Variants in SGCZ observed in about 807,000 individuals in gnomAD.
SGCZ encodes sarcoglycan zeta.
A neutral mutation model predicts 41.3 loss-of-function variants in SGCZ; 40 were observed. The observed-to-expected ratio is 0.97, with a 90% CI of 0.75 to 1.26. The LOEUF is 1.26. SGCZ is among the 50% of genes most tolerant of loss of function. The probability of loss-of-function intolerance (pLI) is 0.00; values close to 1 mark genes in which losing one functional copy is unlikely to be tolerated. For synonymous variants in SGCZ, 206 were observed against 137.5 expected, an observed-to-expected ratio of 1.50 and a Z score of -3.49; for missense variants, 552 against 369.8, an observed-to-expected ratio of 1.49 and a Z score of -4.04.
chr8:14,514,816 T>TACAC (rs1491563787), intron 2 of SGCZ, among the ~76,000 whole-genome samples: 3,866 of 34,738 alleles, frequency 0.11, 79 homozygotes, highest in African/African-American at 0.14. Flanking sequence ...TGTGTGTGTA[T>TACAC]ATATACACGC....
intron 2 of SGCZ, among the ~76,000 whole-genome samples, chr8:14,381,958 G>A (rs1209415112): frequency 2.0e-5 from 3 of 152,104 alleles, no homozygotes; most frequent in African/African-American, 4.8e-5. Context: ...AGCTTATGAG[G>A]AGATTAGTTC....
intron 1 of SGCZ, among the ~76,000 whole-genome samples, chr8:15,050,972 T>C (rs549251525): frequency 6.6e-6 from 1 of 152,324 alleles, no homozygotes; most frequent in African/African-American, 2.4e-5. Context: ...CCATTTGTAA[T>C]GTGTTGCAAA....
At chr8:14,885,396 G>A (rs1804750510) in intron 1 of SGCZ, among the ~76,000 whole-genome samples, 1 of 152,126 alleles carries the variant, frequency 6.6e-6, no homozygotes, top group African/African-American at 2.4e-5. Flanking sequence ...CAAGGCTCTT[G>A]AGTGTGAATT....
Position 15,164,758 on chromosome 8 carries a change from G to A in SGCZ, c.39+72827C>T, listed in dbSNP as rs181960328. Among the ~76,000 whole-genome samples, 40 of 152,012 alleles carry A rather than the reference G, an allele frequency of 2.6e-4. 1 individual carries two copies. In the East Asian group the frequency reaches 7.8e-3, roughly 30 times the overall value. ...TTTGTGAGGCTAGTCTTGGGCTGTG[G>A]CCAATCTGGTGTGCTTTGCATGTCT... On this transcript the variant is annotated intron_variant, in intron 1 of 7. Coordinates refer to ENST00000382080, the MANE Select transcript of SGCZ (RefSeq NM_139167.4).
Position 15,179,757 on chromosome 8 carries a change from A to G in SGCZ, c.39+57828T>C, listed in dbSNP as rs17656069. The stretch of plus-strand genomic sequence containing the variant: ...TGCCAATTTAATCAGAGGAGAATTA[A>G]CAAGACATTAGGAAATAGAGGCAAA... On this transcript the variant is annotated intron_variant, in intron 1 of 7. Coordinates refer to ENST00000382080, the MANE Select transcript of SGCZ (RefSeq NM_139167.4). Among the ~76,000 whole-genome samples the G allele has an allele frequency of 4.1e-3, 624 of 152,346 alleles. 23 individuals are homozygous for G. In the East Asian group the frequency reaches 0.082, roughly 20 times the overall value.
At chr8:14,616,473 A>G (rs28678479) in intron 1 of SGCZ, among the ~76,000 whole-genome samples, 6,098 of 152,198 alleles carry the variant, frequency 0.04, 388 homozygotes, top group African/African-American at 0.14. Context: ...CAGTAAAAAA[A>G]TGTTATTTTT....
rs567018661 is a variant in SGCZ, at chr8:14,744,491, T to A, written c.40-189565A>T. 5.0e-4 allele frequency among the ~76,000 whole-genome samples: 76 copies of A among 152,232 alleles called. 1 individual carries two copies. The South Asian group carries it at 0.015, about 31-fold the overall frequency. ...ATATCAAAATTTACCCTGGACCCCA[T>A]TCCAACTTCCTTTTTTTCTGGAGAA... On this transcript the variant is annotated intron_variant, in intron 1 of 7. Transcript: ENST00000382080.
intron 2 of SGCZ, among the ~76,000 whole-genome samples, chr8:14,521,146 G>C (rs1000680528): frequency 6.6e-6 from 1 of 152,128 alleles, no homozygotes; most frequent in African/African-American, 2.4e-5. Context: ...TAAAGAGGTA[G>C]AATATTTCCA....
At chr8:14,253,117 A>G (rs7825129) in intron 3 of SGCZ, among the ~76,000 whole-genome samples, 25 of 152,158 alleles carry the variant, frequency 1.6e-4, no homozygotes, top group African/African-American at 5.1e-4. Flanking sequence ...AGAAGTAAAT[A>G]TAGAATATGC....
intron 7 of SGCZ, among the ~76,000 whole-genome samples, chr8:14,096,599 C>G (rs1326095152): frequency 6.6e-6 from 1 of 152,106 alleles, no homozygotes; most frequent in Non-Finnish European, 1.5e-5. Flanking sequence ...GTTTTGGTAT[C>G]AGGATGATGC....
At chr8:15,232,636 T>C (rs1354873732) in intron 1 of SGCZ, among the ~76,000 whole-genome samples, 3 of 148,036 alleles carry the variant, frequency 2.0e-5, no homozygotes, top group African/African-American at 7.4e-5. Flanking sequence ...TATATATGGG[T>C]ATATATGTGT....
chr8:14,863,221 C>G (rs550327968), intron 1 of SGCZ, among the ~76,000 whole-genome samples: 1 of 152,148 alleles, frequency 6.6e-6, no homozygotes, highest in South Asian at 2.1e-4. Flanking sequence ...GTACTGATAG[C>G]CTTGCAGCTC....
chr8:14,379,362 G>T (rs553493003), intron 2 of SGCZ, among the ~76,000 whole-genome samples: 2 of 152,074 alleles, frequency 1.3e-5, no homozygotes, highest in Non-Finnish European at 2.9e-5. Context: ...TATAATGATA[G>T]AGAAAACCCC....
chr8:14,668,316 A>G (rs941869644), intron 1 of SGCZ, among the ~76,000 whole-genome samples: 2 of 152,042 alleles, frequency 1.3e-5, no homozygotes, highest in East Asian at 3.9e-4. Context: ...CTCTGTGGTG[A>G]TTATATCCCA....
At chr8:14,415,718 G>T (rs1471341) in intron 2 of SGCZ, among the ~76,000 whole-genome samples, 29,936 of 151,832 alleles carry the variant, frequency 0.2, 3,698 homozygotes, top group Non-Finnish European at 0.29. Context: ...TGGAATAACA[G>T]TTGAGAACAT....
chr8:15,055,254 G>A (rs571519058), intron 1 of SGCZ, among the ~76,000 whole-genome samples: 1 of 152,172 alleles, frequency 6.6e-6, no homozygotes, highest in Admixed American at 6.5e-5. Flanking sequence ...TTTTAATACT[G>A]TATACCTACC....
chr8:15,086,157 A>G (rs900221466), intron 1 of SGCZ, among the ~76,000 whole-genome samples: 1 of 152,234 alleles, frequency 6.6e-6, no homozygotes, highest in South Asian at 2.1e-4. Context: ...TTAAAAGGGC[A>G]CATTCTAACA....
intron 1 of SGCZ, among the ~76,000 whole-genome samples, chr8:14,985,132 G>C (rs554465848): frequency 6.6e-6 from 1 of 152,130 alleles, no homozygotes; most frequent in Non-Finnish European, 1.5e-5. Flanking sequence ...AGGATTTAGA[G>C]TTTGAAATGA....
chr8:14,849,062 TAA>T (rs2130648622), intron 1 of SGCZ, among the ~76,000 whole-genome samples: 1 of 152,134 alleles, frequency 6.6e-6, no homozygotes, highest in East Asian at 1.9e-4. Context: ...GGATGGAAAA[TAA>T]ACGTGAGGAA....
Sources: allele counts gnomAD v4.1 joint callset (sites outside exome capture counted in the v4.1 genomes callset), GRCh38; gene constraint gnomAD v4.1.1; transcripts MANE v1.5; gene names NCBI Gene and HGNC (gene_info 2026-07-23, HGNC 2026-07-21).